Variants in SRRD observed in about 807,000 individuals in gnomAD.
SRRD encodes the protein SRR1 domain containing, also known as SRR1-like protein.
SRRD carries 28 observed loss-of-function variants against 30.7 expected under a neutral mutation model. The observed-to-expected ratio is 0.91, with a 90% CI of 0.68 to 1.25. The LOEUF is 1.25. Ranked by LOEUF, SRRD falls within the 50% of genes most tolerant of loss-of-function variation. SRRD has a pLI of 0.00. For missense variants in SRRD, 415 were observed against 417.3 expected (o/e 0.99, Z 0.05); for synonymous variants, 161 against 159.6 (o/e 1.01, Z -0.07).
Position 26,491,628 on chromosome 22 carries a change from G to A in SRRD, c.976G>A (p.Glu326Lys), listed in dbSNP as rs1414041890. The change falls in exon 7 of 7, where the codon GAA (glutamate) becomes AAA (lysine). Residue 326 changes from glutamate (E) to lysine (K), a missense_variant. Coordinates refer to ENST00000215917, the MANE Select transcript of SRRD (RefSeq NM_001013694.3). ...EPDYQDCEDLEIIRNKREDPS... is the reference protein window; with the variant it reads ...EPDYQDCEDLKIIRNKREDPS... Reference sequence around the variant, plus strand: ...AGATTATCAGGACTGTGAGGACCTTGAAATCATCAGGAACAAGAGAGAAGA... The same window carrying A: ...AGATTATCAGGACTGTGAGGACCTTAAAATCATCAGGAACAAGAGAGAAGA... 1 of 1,613,752 alleles carries A rather than the reference G, an allele frequency of 6.2e-7. No individual in the cohort carries two copies. The highest frequency in any genetic ancestry group is 1.7e-5 in the Admixed American group (1 of 60,032).
chr22:26,486,130 C>T (rs2091707014), intron 2 of SRRD, 67 bp downstream of exon 2: 2 of 1,603,736 alleles, frequency 1.2e-6, no homozygotes, highest in Non-Finnish European at 1.7e-6. Context: ...CATTTGAGGA[C>T]ATTTTGCTTC....
rs1480207889 is a variant in SRRD at position 26,491,790 on chromosome 22, C to A, written c.*118C>A. The A allele has an allele frequency of 9.4e-6, 10 of 1,059,222 alleles. No individual in the cohort carries two copies. Among genetic ancestry groups the A allele is most frequent in the Middle Eastern group, 2.3e-4 (1 of 4,302 alleles). The allele number at this position is 1,059,222 out of a possible 1,614,324, so 65.6% of individuals were successfully genotyped here. On this transcript the variant is annotated 3_prime_UTR_variant, in exon 7 of 7. Transcript: ENST00000215917. Reference sequence around the variant, plus strand: ...TTGCCAGGAAAGAACATCAACTTGGCTGTCCTGTTTTGAGGACGATACCCC... The same window carrying A: ...TTGCCAGGAAAGAACATCAACTTGGATGTCCTGTTTTGAGGACGATACCCC...
In SRRD at chr22:26,488,085, ACT is replaced by A; in HGVS notation, c.310_311del (p.Leu104PhefsTer10). 1 of 1,613,986 alleles carries A rather than the reference ACT, an allele frequency of 6.2e-7. No homozygotes were observed. The highest frequency in any genetic ancestry group is 8.5e-7 in the Non-Finnish European group (1 of 1,179,968). ...GGAACAACTGAAGGCCCCTGTGGGG[ACT>A]CTTTCAGACATCTTTGGAAACCTGC... The part of the protein sequence containing the change: ...HLEQLKAPVG[T>X]LSDIFGNLHL... On this transcript the variant is annotated frameshift_variant, in exon 3 of 7. Coordinates refer to ENST00000215917, the MANE Select transcript of SRRD (RefSeq NM_001013694.3). LOFTEE classifies it high-confidence loss of function.
rs564026303 is a variant in SRRD, at chr22:26,491,807, C to T, written c.*135C>T. On this transcript the variant is annotated 3_prime_UTR_variant, in exon 7 of 7. Coordinates refer to ENST00000215917, the MANE Select transcript of SRRD (RefSeq NM_001013694.3). ...CAACTTGGCTGTCCTGTTTTGAGGA[C>T]GATACCCCACATGAGGACTTGGTAT... The T allele has an allele frequency of 2.6e-5, 25 of 948,760 alleles. No individual in the cohort carries two copies. Among genetic ancestry groups the T allele is most frequent in the South Asian group, 1.0e-4 (6 of 58,782 alleles). The allele number at this position is 948,760 out of a possible 1,614,324, so 58.8% of individuals were successfully genotyped here.
rs756952141 is a variant in SRRD at position 26,492,134 on chromosome 22, C to A, written c.*462C>A. On this transcript the variant is annotated 3_prime_UTR_variant, in exon 7 of 7. Transcript: ENST00000215917. ...GCGGCCAAAGGTGTAGAGCTGCTTC[C>A]CTTCGTGTCGCTTCCCAATGACGGG... 6.2e-7 allele frequency: 1 copy of A among 1,613,350 alleles called. No homozygotes were observed. Among genetic ancestry groups the A allele is most frequent in the African/African-American group, 1.3e-5 (1 of 74,640 alleles).
chr22:26,490,558 G>GTTTTTTTTTTTTT (rs1491237870), intron 5 of SRRD, among the ~76,000 whole-genome samples: 40 of 25,682 alleles, frequency 1.6e-3, no homozygotes, highest in Non-Finnish European at 2.3e-3. Context: ...TGGAATATTT[G>GTTTTTTTTTTTTT]CTTTTTTTTT....
In SRRD at chr22:26,492,604, T is replaced by C. The variant is rs1217975353; in HGVS notation, c.*932T>C. ...AACCAGATTATTAATATTCAACATTTTAAAATGAAGTATCTGCAAGGGATT... is the reference window on the plus strand; with the variant it reads ...AACCAGATTATTAATATTCAACATTCTAAAATGAAGTATCTGCAAGGGATT... On this transcript the variant is annotated 3_prime_UTR_variant, in exon 7 of 7. Coordinates refer to ENST00000215917, the MANE Select transcript of SRRD (RefSeq NM_001013694.3). 2 of 526,016 alleles carry C rather than the reference T, an allele frequency of 3.8e-6. No individual in the cohort carries two copies. Among genetic ancestry groups the C allele is most frequent in the African/African-American group, 3.8e-5 (2 of 52,608 alleles). 32.6% of individuals were successfully genotyped at this position (526,016 alleles called of 1,614,324 possible). A position where few individuals can be genotyped will look rare whatever the true frequency, so the allele number is the denominator to read the frequency against.
At chr22:26,484,166 A>G in intron 1 of SRRD, 67 bp downstream of exon 1, 3 of 1,436,068 alleles carry the variant, frequency 2.1e-6, no homozygotes, top group South Asian at 1.2e-5. Context: ...CAGTCTCCCC[A>G]TCTGTAGAGT....
chr22:26,484,067 C>T lies in SRRD; in HGVS notation c.177C>T (p.Ser59=). The T allele has an allele frequency of 2.0e-6, 3 of 1,493,112 alleles. No homozygotes were observed. The highest frequency in any genetic ancestry group is 2.7e-6 in the Non-Finnish European group (3 of 1,128,840). The allele number at this position is 1,493,112 out of a possible 1,614,324, so 92.5% of individuals were successfully genotyped here. A position where few individuals can be genotyped will look rare whatever the true frequency, so the allele number is the denominator to read the frequency against. ...CCGAGGCGGAGTTCGAGTCTGACAG[C>T]GGAGTCGTGCTTCGTCGCATCTGGG... The part of the protein sequence containing the change: ...RGPEAEFESD[S]GVVLRRIWEA... The change falls in exon 1 of 7, where the codon AGC becomes AGT. Residue 59 remains serine, a synonymous_variant. Transcript: ENST00000215917.
chr22:26,486,388 T>C (rs2091708949), intron 2 of SRRD, among the ~76,000 whole-genome samples: 1 of 152,210 alleles, frequency 6.6e-6, no homozygotes, highest in South Asian at 2.1e-4. Context: ...CAATGTAGCC[T>C]TTTCCTCGTG....
intron 1 of SRRD, among the ~76,000 whole-genome samples, chr22:26,485,388 G>A (rs1469850837): frequency 6.6e-6 from 1 of 152,176 alleles, no homozygotes; most frequent in African/African-American, 2.4e-5. Flanking sequence ...ACTCCTTTCT[G>A]AACCCCATAA....
At chr22:26,489,682 T>C (rs1569151919) in intron 4 of SRRD, among the ~76,000 whole-genome samples, 1 of 151,958 alleles carries the variant, frequency 6.6e-6, no homozygotes, top group South Asian at 2.1e-4. Context: ...GGAAGTGACA[T>C]AGGAAGTGTG....
In SRRD at chr22:26,491,037, G is replaced by T. The variant is rs755483431; in HGVS notation, c.777G>T (p.Arg259Ser). The T allele has an allele frequency of 2.5e-6, 4 of 1,611,916 alleles. No individual in the cohort carries two copies. Among genetic ancestry groups the T allele is most frequent in the Non-Finnish European group, 8.5e-7 (1 of 1,179,414 alleles). The change falls in exon 6 of 7, where the codon AGG becomes AGT. Residue 259 changes from arginine to serine, a missense_variant. Coordinates refer to ENST00000215917, the MANE Select transcript of SRRD (RefSeq NM_001013694.3). ...FKGLEERLLA[R>S]ILQKNYPYIA... is the part of the protein sequence containing the mutation. ...TTTTAATTTCTAGGTTGTTGGCAAG[G>T]ATTCTGCAGAAAAATTATCCCTACA...
intron 4 of SRRD, among the ~76,000 whole-genome samples, chr22:26,488,879 C>T (rs1207239144): frequency 6.6e-6 from 1 of 152,154 alleles, no homozygotes; most frequent in East Asian, 1.9e-4. Context: ...TGCAGCATTC[C>T]TCTTTGATGC....
intron 6 of SRRD, 30 bp from the exon 7 acceptor site, chr22:26,491,433 A>C (rs1387678303): frequency 5.8e-6 from 9 of 1,553,722 alleles, no homozygotes; most frequent in Non-Finnish European, 8.0e-6. Flanking sequence ...TGACTATCTG[A>C]AGTTTTTATA....
chr22:26,488,596 CT>C, intron 4 of SRRD, 108 bp downstream of exon 4: 1 of 809,330 alleles, frequency 1.2e-6, no homozygotes. Flanking sequence ...CCATTCCTCT[CT>C]TACCGCCTGC....
At chr22:26,484,185 A>G in intron 1 of SRRD, 86 bp downstream of exon 1, 1 of 1,303,168 alleles carries the variant, frequency 7.7e-7, no homozygotes, top group Non-Finnish European at 1.1e-6. Context: ...GTGGAGATAT[A>G]ATGCACACCC....
At chr22:26,484,190 A>G (rs1193143222) in intron 1 of SRRD, 91 bp downstream of exon 1, 1 of 1,287,230 alleles carries the variant, frequency 7.8e-7, no homozygotes, top group Non-Finnish European at 1.1e-6. Flanking sequence ...GATATAATGC[A>G]CACCCTTTAA....
chr22:26,489,137 T>C (rs1191905414), intron 4 of SRRD, among the ~76,000 whole-genome samples: 9 of 152,210 alleles, frequency 5.9e-5, no homozygotes, highest in Non-Finnish European at 1.3e-4. Context: ...TTGCTTATTA[T>C]GTATGAAAAT....
Sources: allele counts gnomAD v4.1 joint callset (sites outside exome capture counted in the v4.1 genomes callset), GRCh38; gene constraint gnomAD v4.1.1; transcripts MANE v1.5; gene names NCBI Gene and HGNC (gene_info 2026-07-23, HGNC 2026-07-21).